The following ANKHD1 variants were observed in gnomAD, a reference collection of about 807,000 sequenced individuals.
The protein encoded by ANKHD1 is ankyrin repeat and KH domain-containing protein 1.
ANKHD1 carries 31 observed loss-of-function variants against 230.5 expected under a neutral mutation model. That is an observed-to-expected ratio of 0.13 (90% confidence interval 0.10 to 0.18). The LOEUF is 0.18. Among genes scored for constraint, ANKHD1 ranks in the 10% least tolerant of loss-of-function variants. The pLI, the probability that ANKHD1 is intolerant of heterozygous loss-of-function variation, is 1.00. For missense variants in ANKHD1, 2,256 were observed against 3,071.3 expected (o/e 0.73, Z 6.27); for synonymous variants, 1,074 against 1,117.6 (o/e 0.96, Z 0.78).
chr5:140,407,902 C>T (rs966639508), intron 1 of ANKHD1, among the ~76,000 whole-genome samples: 14 of 151,958 alleles, frequency 9.2e-5, no homozygotes, highest in Non-Finnish European at 1.9e-4. Flanking sequence ...AGTGGCCGGG[C>T]GCGGTGGCTC....
At chr5:140,513,289 T>G (rs960562274) in intron 23 of ANKHD1, 74 bp from the exon 24 acceptor site, 30 of 1,426,518 alleles carry the variant, frequency 2.1e-5, no homozygotes, top group Non-Finnish European at 2.8e-5. Flanking sequence ...CTCTGGACTT[T>G]AATGTGCTCA....
At chr5:140,491,119 C>CAT (rs1240035842) in intron 14 of ANKHD1, among the ~76,000 whole-genome samples, 497 of 46,872 alleles carry the variant, frequency 0.011, 10 homozygotes, top group African/African-American at 0.022. Context: ...CACACACACA[C>CAT]ATATATATAT....
intron 14 of ANKHD1, 83 bp downstream of exon 14, chr5:140,487,143 G>A (rs1751544864): frequency 2.9e-6 from 4 of 1,400,336 alleles, no homozygotes; most frequent in Admixed American, 2.3e-5. Context: ...ATGATACAGA[G>A]TTACTGTGTA....
rs949524880 is a variant in ANKHD1, at chr5:140,513,393, G to A, written c.4231G>A (p.Glu1411Lys). The change falls in exon 24 of 34, where the codon GAA becomes AAA. Residue 1411 changes from glutamate to lysine, a missense_variant. Transcript: ENST00000360839. ...GTTGAAAAAATGTCATCAATGTGTC[G>A]AAACCATTGTGAAGGCTAAAGACCA... ...ELLKKCHQCV[E>K]TIVKAKDQQA... 3.7e-6 allele frequency: 6 copies of A among 1,612,332 alleles called. No homozygotes were observed. Among genetic ancestry groups the A allele is most frequent in the South Asian group, 1.1e-5 (1 of 90,596 alleles).
chr5:140,447,818 A>G lies in ANKHD1; in HGVS notation c.1148-1393A>G, dbSNP rs559613003. On this transcript the variant is annotated intron_variant, in intron 6 of 33. Coordinates refer to ENST00000360839, the MANE Select transcript of ANKHD1 (RefSeq NM_017747.3). ...GAAAGACGTTAAGGGCAATATAAGG[A>G]GTGCCTCTCAATTTAGTAAGCTCCC... 2.0e-5 allele frequency among the ~76,000 whole-genome samples: 3 copies of G among 152,324 alleles called. No homozygotes were observed. The East Asian group carries it at 5.8e-4, about 29-fold the overall frequency.
At chr5:140,501,620 T>C (rs140986375) in intron 15 of ANKHD1, among the ~76,000 whole-genome samples, 8,603 of 151,822 alleles carry the variant, frequency 0.057, 832 homozygotes, top group African/African-American at 0.2. Context: ...CATGCTGGCA[T>C]GTGCCTTTAA....
chr5:140,497,432 T>C, intron 15 of ANKHD1, among the ~76,000 whole-genome samples, 154 bp downstream of exon 15: 1 of 152,252 alleles, frequency 6.6e-6, no homozygotes, highest in East Asian at 1.9e-4. Flanking sequence ...GAATTAACTA[T>C]GCTCAATAGC....
intron 1 of ANKHD1, among the ~76,000 whole-genome samples, chr5:140,405,374 T>C (rs952715436): frequency 6.6e-6 from 1 of 152,150 alleles, no homozygotes; most frequent in African/African-American, 2.4e-5. Flanking sequence ...GAGAGGAAAT[T>C]CTTGGAGTAT....
chr5:140,539,806 A>G lies in ANKHD1; in HGVS notation c.*388A>G, dbSNP rs1754220617. ...GCTCTACGTAATGTAGCCTGTATTA[A>G]TGTGAAATATTTACCAGAATATTCA... is the stretch of plus-strand genomic sequence containing the variant. On this transcript the variant is annotated 3_prime_UTR_variant, in exon 34 of 34. Coordinates refer to ENST00000360839, the MANE Select transcript of ANKHD1 (RefSeq NM_017747.3). 6.2e-6 allele frequency: 1 copy of G among 161,452 alleles called. No homozygotes were observed. The highest frequency in any genetic ancestry group is 1.4e-5 in the Non-Finnish European group (1 of 73,788). The allele number at this position is 161,452 out of a possible 1,614,324, so 10.0% of individuals were successfully genotyped here.
At chr5:140,495,542 G>T (rs972185413) in intron 14 of ANKHD1, among the ~76,000 whole-genome samples, 1 of 152,116 alleles carries the variant, frequency 6.6e-6, no homozygotes, top group Non-Finnish European at 1.5e-5. Context: ...ACTGTGCCTG[G>T]CCTAGTCCTA....
At position 140,402,213 on chromosome 5, in the gene ANKHD1, C is replaced by A; in HGVS notation, c.246C>A (p.Ala82=). The A allele has an allele frequency of 6.6e-7, 1 of 1,523,918 alleles. No homozygotes were observed. The allele number at this position is 1,523,918 out of a possible 1,614,324, so 94.4% of individuals were successfully genotyped here. A position where few individuals can be genotyped will look rare whatever the true frequency, so the allele number is the denominator to read the frequency against. ...DAALDFKLAA[A]VLRTGGGGGA... ...CGCTGGATTTCAAGTTGGCGGCTGC[C>A]GTGCTGAGGACCGGGGGTGGAGGTG... is the stretch of plus-strand genomic sequence containing the variant. The change falls in exon 1 of 34, where the codon GCC becomes GCA. Residue 82 remains alanine, a synonymous_variant. Coordinates refer to ENST00000360839, the MANE Select transcript of ANKHD1 (RefSeq NM_017747.3).
intron 10 of ANKHD1, among the ~76,000 whole-genome samples, chr5:140,480,123 TC>T (rs976449318): frequency 6.6e-6 from 1 of 151,958 alleles, no homozygotes; most frequent in African/African-American, 2.4e-5. Context: ...TATACATTAT[TC>T]ATTTTAAGAC....
intron 9 of ANKHD1, among the ~76,000 whole-genome samples, chr5:140,459,884 GC>G (rs1775578823): frequency 6.6e-6 from 1 of 152,172 alleles, no homozygotes; most frequent in East Asian, 1.9e-4. Flanking sequence ...AAAGACAGCT[GC>G]ATAATTTAAC....
intron 10 of ANKHD1, among the ~76,000 whole-genome samples, chr5:140,469,854 C>T (rs1304427563): frequency 6.6e-6 from 1 of 151,228 alleles, no homozygotes. Context: ...TAAGTGGATT[C>T]AGTTTTTACA....
chr5:140,405,479 CTG>C (rs1302276727), intron 1 of ANKHD1, among the ~76,000 whole-genome samples: 2 of 152,022 alleles, frequency 1.3e-5, no homozygotes, highest in Admixed American at 6.6e-5. Context: ...TTTTCTTTTT[CTG>C]TCTGACAAGA....
At chr5:140,424,123 G>C (rs962156635) in intron 1 of ANKHD1, among the ~76,000 whole-genome samples, 21 of 152,038 alleles carry the variant, frequency 1.4e-4, no homozygotes, top group East Asian at 9.7e-4. Flanking sequence ...CTAAATTGCT[G>C]TAGTTCTTAG....
chr5:140,538,579 C>T (rs918924848), intron 32 of ANKHD1, among the ~76,000 whole-genome samples: 6 of 152,174 alleles, frequency 3.9e-5, no homozygotes, highest in Non-Finnish European at 4.4e-5. Context: ...AGCTTTATGT[C>T]GGCAATCAAT....
intron 10 of ANKHD1, among the ~76,000 whole-genome samples, chr5:140,474,415 T>C (rs1750853316): frequency 6.6e-6 from 1 of 152,150 alleles, no homozygotes; most frequent in South Asian, 2.1e-4. Flanking sequence ...GCCTCTGTGG[T>C]ATAGTTACAG....
At chr5:140,514,918 G>A (rs1752925587) in intron 24 of ANKHD1, among the ~76,000 whole-genome samples, 1 of 151,060 alleles carries the variant, frequency 6.6e-6, no homozygotes, top group Non-Finnish European at 1.5e-5. Flanking sequence ...GCTGCAATGA[G>A]CTATGATTGT....
Sources: allele counts gnomAD v4.1 joint callset (sites outside exome capture counted in the v4.1 genomes callset), GRCh38; gene constraint gnomAD v4.1.1; transcripts MANE v1.5; gene names NCBI Gene and HGNC (gene_info 2026-07-23, HGNC 2026-07-21).